Variants in SGO1 observed in about 807,000 individuals in gnomAD.
SGO1 encodes the protein shugoshin 1.
SGO1 carries 39 observed loss-of-function variants against 50.5 expected under a neutral mutation model. The observed-to-expected ratio is 0.77, with a 90% CI of 0.60 to 1.01. The LOEUF (loss-of-function observed/expected upper bound fraction) is 1.01, where lower values mean the gene tolerates loss of function less well. Ranked by LOEUF, SGO1 falls within the 50% of genes least tolerant of loss-of-function variation. SGO1 has a pLI of 0.00. For synonymous variants in SGO1, 191 were observed against 205.1 expected, an observed-to-expected ratio of 0.93 and a Z score of 0.59; for missense variants, 638 against 606.0, an observed-to-expected ratio of 1.05 and a Z score of -0.55.
intron 8 of SGO1, among the ~76,000 whole-genome samples, chr3:20,162,477 T>A (rs1037422396): frequency 6.6e-6 from 1 of 152,104 alleles, no homozygotes; most frequent in African/African-American, 2.4e-5. Flanking sequence ...CTAACAAACT[T>A]AATTGCCTGA....
intron 3 of SGO1, among the ~76,000 whole-genome samples, chr3:20,182,522 A>G (rs1369336257): frequency 6.6e-6 from 1 of 152,102 alleles, no homozygotes; most frequent in African/African-American, 2.4e-5. Context: ...GGCAGTGGCT[A>G]CTGGAAAAAG....
chr3:20,174,975 G>A lies in SGO1; in HGVS notation c.556C>T (p.Pro186Ser). 6.2e-7 allele frequency: 1 copy of A among 1,612,124 alleles called. No homozygotes were observed. Residue 186 changes from proline to serine, a missense_variant, in exon 6 of 8, where the codon CCT (proline) becomes TCT (serine). Transcript: ENST00000412997. ...GEAKSTDNVL[P>S]RTVSVRSSLK... ...CTGCTACGAACAGATACAGTTCTAG[G>A]TAAGACATTATCAGTAGACTTAGCT...
chr3:20,161,329 CAAT>C, intron 8 of SGO1: 1 of 1,385,574 alleles, frequency 7.2e-7, no homozygotes, highest in South Asian at 1.7e-5. Context: ...GATGAGCTCA[CAAT>C]AAAAAATTAG....
chr3:20,170,868 T>A, intron 7 of SGO1, 53 bp from the exon 8 acceptor site: 2 of 1,557,588 alleles, frequency 1.3e-6, no homozygotes, highest in Non-Finnish European at 1.7e-6. Context: ...CAATATTAAC[T>A]TACTCTTCCC....
At chr3:20,162,029 C>T (rs1019283373) in intron 8 of SGO1, among the ~76,000 whole-genome samples, 2 of 152,122 alleles carry the variant, frequency 1.3e-5, no homozygotes, top group African/African-American at 4.8e-5. Context: ...GAGTGAGAAT[C>T]CAGAGTCCAG....
rs750711928 is a variant in SGO1 at position 20,170,695 on chromosome 3, A to G, written c.*9T>C. The G allele has an allele frequency of 1.3e-5, 20 of 1,567,890 alleles. No individual in the cohort carries two copies. Among genetic ancestry groups the G allele is most frequent in the East Asian group, 2.3e-5 (1 of 43,636 alleles). ...GTAGATTGAATTTAAACAATATCCA[A>G]CAAAACCTTCATTGTATTTGTTTCA... is the stretch of plus-strand genomic sequence containing the variant. On this transcript the variant is annotated 3_prime_UTR_variant, in exon 8 of 8. Coordinates refer to ENST00000412997, the MANE Select transcript of SGO1 (RefSeq NM_001199251.3).
chr3:20,176,630 G>A lies in SGO1; in HGVS notation c.446C>T (p.Pro149Leu). The A allele has an allele frequency of 6.4e-7, 1 of 1,562,136 alleles. No homozygotes were observed. Among genetic ancestry groups the A allele is most frequent in the Non-Finnish European group, 8.6e-7 (1 of 1,160,488 alleles). Residue 149 changes from proline (P) to leucine (L), a missense_variant, in exon 5 of 8, where the codon CCA (proline) becomes CTA (leucine). By Grantham distance (98) the Pro-to-Leu change is moderately conservative. Coordinates refer to ENST00000412997, the MANE Select transcript of SGO1 (RefSeq NM_001199251.3). ...PQIPLEETEL[P>L]GQGESFQIED... ...TATTTGAAATGATTCTCCTTGTCCTGGAAGTTCAGTTTCTTCAAGAGGAAT... is the reference window on the plus strand; with the variant it reads ...TATTTGAAATGATTCTCCTTGTCCTAGAAGTTCAGTTTCTTCAAGAGGAAT...
chr3:20,184,609 T>C (rs975142888), intron 1 of SGO1, among the ~76,000 whole-genome samples: 1 of 152,220 alleles, frequency 6.6e-6, no homozygotes, highest in African/African-American at 2.4e-5. Flanking sequence ...GTTTAAACTA[T>C]GTAGCACTAC....
At position 20,174,927 on chromosome 3, in the gene SGO1, T is replaced by TAA; in HGVS notation, c.603_604insTT (p.Ile202LeufsTer29). 1 of 1,614,098 alleles carries TAA rather than the reference T, an allele frequency of 6.2e-7. No individual in the cohort carries two copies. On this transcript the variant is annotated frameshift_variant, in exon 6 of 8. Transcript: ENST00000412997. LOFTEE classifies it high-confidence loss of function. ...TCATCCAAGCTATCAAACTGACATA[T>TAA]ACTGTTACAATGTTTCTTTAAACTG...
downstream of SGO1, chr3:20,169,256 C>T (rs1700483618): frequency 2.6e-5 from 26 of 984,988 alleles, no homozygotes; most frequent in South Asian, 1.0e-3. Flanking sequence ...GGAGATTACA[C>T]AGAGATAAGT....
chr3:20,169,362 C>T, downstream of SGO1: 1 of 984,244 alleles, frequency 1.0e-6, no homozygotes, highest in Non-Finnish European at 1.2e-6. Flanking sequence ...TCACCTAGAA[C>T]ACCCCCCCCT....
chr3:20,173,201 G>A (rs1011185850), intron 6 of SGO1, among the ~76,000 whole-genome samples: 5 of 151,280 alleles, frequency 3.3e-5, no homozygotes, highest in Admixed American at 6.6e-5. Context: ...GCATGGTCTC[G>A]GCTCACTGCA....
At position 20,170,722 on chromosome 3, in the gene SGO1, ACTTT is replaced by A. The variant is rs746059096; in HGVS notation, c.1562_1565del (p.Lys521IlefsTer2). On this transcript the variant is annotated frameshift_variant, in exon 8 of 8. Transcript: ENST00000412997. LOFTEE classifies it high-confidence loss of function. The stretch of plus-strand genomic sequence containing the variant: ...AAAACCTTCATTGTATTTGTTTCAT[ACTTT>A]TTTTAGAACGTCTCAAATCCTTTTT... 1 of 1,586,358 alleles carries A rather than the reference ACTTT, an allele frequency of 6.3e-7. No individual in the cohort carries two copies.
At chr3:20,182,393 C>T (rs572846745) in intron 3 of SGO1, among the ~76,000 whole-genome samples, 10 of 152,066 alleles carry the variant, frequency 6.6e-5, no homozygotes, top group Non-Finnish European at 1.3e-4. Context: ...TCTGACCTTC[C>T]GGCCTAAGTG....
At chr3:20,182,366 A>G (rs1038956693) in intron 3 of SGO1, among the ~76,000 whole-genome samples, 2 of 151,684 alleles carry the variant, frequency 1.3e-5, no homozygotes, top group African/African-American at 4.8e-5. Context: ...CCTAATCACA[A>G]TGTTCTCGCT....
At chr3:20,177,038 AT>A (rs1317147200) in intron 4 of SGO1, among the ~76,000 whole-genome samples, 1 of 152,176 alleles carries the variant, frequency 6.6e-6, no homozygotes, top group East Asian at 1.9e-4. Flanking sequence ...CAGAGCTGTG[AT>A]TTGTTGGTAA....
chr3:20,186,849 C>A (rs1024576548), upstream of SGO1, among the ~76,000 whole-genome samples: 1 of 152,142 alleles, frequency 6.6e-6, no homozygotes, highest in African/African-American at 2.4e-5. Flanking sequence ...GTCACACGAT[C>A]TTCTCAACTC....
upstream of SGO1, chr3:20,186,776 A>G (rs1271431681): frequency 1.3e-5 from 2 of 152,272 alleles, no homozygotes; most frequent in African/African-American, 2.4e-5. Context: ...GTTACCGACT[A>G]GAAGCCTGAG....
At chr3:20,183,504 G>T in intron 3 of SGO1, 104 bp downstream of exon 3, 1 of 938,688 alleles carries the variant, frequency 1.1e-6, no homozygotes, top group Non-Finnish European at 1.6e-6. Context: ...AACAATTCAT[G>T]CATAACTGAG....
Sources: gnomAD v4.1 joint callset for allele counts (sites outside exome capture counted in the v4.1 genomes callset) on GRCh38, gnomAD v4.1.1 for gene constraint, MANE v1.5 for transcripts, NCBI Gene and HGNC (gene_info 2026-07-23, HGNC 2026-07-21) for gene names.